The following CNBD1 variants were observed in gnomAD, a reference collection of about 807,000 sequenced individuals.
CNBD1 encodes the protein cyclic nucleotide binding domain containing 1.
CNBD1 carries 71 observed loss-of-function variants against 54.4 expected under a neutral mutation model. The ratio of observed to expected loss-of-function variants is 1.30; its 90% confidence interval spans 1.08 to 1.59. The LOEUF is 1.59. Among genes scored for constraint, CNBD1 ranks in the 40% most tolerant of loss-of-function variants. The pLI, the probability that CNBD1 is intolerant of heterozygous loss-of-function variation, is 0.00. For missense variants in CNBD1, 659 were observed against 518.0 expected (o/e 1.27, Z -2.64); for synonymous variants, 182 against 170.7 (o/e 1.07, Z -0.51).
chr8:87,309,623 T>C (rs1295672745), intron 8 of CNBD1, among the ~76,000 whole-genome samples: 1 of 152,136 alleles, frequency 6.6e-6, no homozygotes, highest in African/African-American at 2.4e-5. Flanking sequence ...CTCATATCTG[T>C]ATATCTGTAG....
At chr8:87,093,554 T>A (rs1254968450) in intron 4 of CNBD1, among the ~76,000 whole-genome samples, 1 of 152,204 alleles carries the variant, frequency 6.6e-6, no homozygotes, top group Non-Finnish European at 1.5e-5. Flanking sequence ...CAAAGTCTAC[T>A]GATATAAAAG....
intron 4 of CNBD1, among the ~76,000 whole-genome samples, chr8:87,003,306 G>C (rs1809031245): frequency 6.6e-6 from 1 of 152,062 alleles, no homozygotes; most frequent in Non-Finnish European, 1.5e-5. Context: ...TGATTAAAAG[G>C]ACAGAATGAT....
intron 4 of CNBD1, among the ~76,000 whole-genome samples, chr8:87,053,615 C>A (rs1810356110): frequency 1.3e-5 from 2 of 152,150 alleles, no homozygotes; most frequent in African/African-American, 4.8e-5. Context: ...GCAAGTGTGA[C>A]CTTTTTTTCA....
intron 8 of CNBD1, among the ~76,000 whole-genome samples, chr8:87,339,743 G>T (rs1810027270): frequency 1.3e-5 from 2 of 151,938 alleles, no homozygotes; most frequent in South Asian, 2.1e-4. Flanking sequence ...AGTTATAACT[G>T]TCTATTTAAA....
At chr8:86,940,527 G>C (rs1809636101) in intron 4 of CNBD1, among the ~76,000 whole-genome samples, 1 of 152,176 alleles carries the variant, frequency 6.6e-6, no homozygotes, top group African/African-American at 2.4e-5. Context: ...GCCTGAAGAA[G>C]GAGGGGTGTG....
At chr8:87,244,347 G>C (rs2130832884) in intron 6 of CNBD1, among the ~76,000 whole-genome samples, 1 of 152,206 alleles carries the variant, frequency 6.6e-6, no homozygotes, top group South Asian at 2.1e-4. Context: ...AGGCAGGTTG[G>C]CCCTGAGAAG....
At chr8:86,867,180 CGT>C (rs1426304589) in intron 1 of CNBD1, among the ~76,000 whole-genome samples, 1 of 152,066 alleles carries the variant, frequency 6.6e-6, no homozygotes, top group Non-Finnish European at 1.5e-5. Flanking sequence ...AAACCTATAA[CGT>C]TTTCTTAAGA....
chr8:87,383,072 G>T (rs1033612342), downstream of CNBD1, among the ~76,000 whole-genome samples: 2 of 151,842 alleles, frequency 1.3e-5, no homozygotes, highest in African/African-American at 4.8e-5. Flanking sequence ...TATGTAAAAG[G>T]CAAAAAGACA....
intron 4 of CNBD1, among the ~76,000 whole-genome samples, chr8:87,136,483 CTTAT>C (rs1387586379): frequency 7.5e-6 from 1 of 133,266 alleles, no homozygotes; most frequent in Non-Finnish European, 1.5e-5. Context: ...ATACATTTTG[CTTAT>C]TTATTGATTT....
intron 4 of CNBD1, among the ~76,000 whole-genome samples, chr8:87,168,938 A>G (rs1489077986): frequency 6.6e-6 from 1 of 152,086 alleles, no homozygotes; most frequent in Non-Finnish European, 1.5e-5. Flanking sequence ...TCTTTTAGGT[A>G]TACACCCAGG....
intron 4 of CNBD1, among the ~76,000 whole-genome samples, chr8:87,149,981 C>G (rs1361452741): frequency 6.6e-6 from 1 of 152,048 alleles, no homozygotes; most frequent in East Asian, 1.9e-4. Context: ...CGAGACCATC[C>G]TGGCTAATAC....
intron 4 of CNBD1, among the ~76,000 whole-genome samples, chr8:86,958,006 T>G (rs540572904): frequency 6.6e-6 from 1 of 152,354 alleles, no homozygotes; most frequent in Admixed American, 6.5e-5. Flanking sequence ...TTTAAATGTG[T>G]CCTAGAGATT....
rs143784558 is a variant in CNBD1, at chr8:87,357,362, A to G, written c.1303+3576A>G. On this transcript the variant is annotated intron_variant, in intron 10 of 10. Coordinates refer to ENST00000518476, the MANE Select transcript of CNBD1 (RefSeq NM_173538.3). ...CAGGCGTTTAACTCCAACCCATGAA[A>G]GAAGCCACGTGGGCTGCATCCAGCA... 9.2e-5 allele frequency among the ~76,000 whole-genome samples: 14 copies of G among 152,272 alleles called. 1 individual carries two copies. The highest frequency in any genetic ancestry group is 2.6e-4 in the African/African-American group (11 of 41,552).
At chr8:86,996,691 C>T (rs1469311449) in intron 4 of CNBD1, among the ~76,000 whole-genome samples, 1 of 152,178 alleles carries the variant, frequency 6.6e-6, no homozygotes, top group Non-Finnish European at 1.5e-5. Flanking sequence ...GCAAGTGTCA[C>T]AAAGTTGGTA....
downstream of CNBD1, among the ~76,000 whole-genome samples, chr8:87,387,648 A>G (rs1261923662): frequency 6.6e-6 from 1 of 152,106 alleles, no homozygotes; most frequent in Non-Finnish European, 1.5e-5. Context: ...CTCCCACACA[A>G]TCATAATGGG....
At chr8:86,917,594 G>T (rs1381823050) in intron 3 of CNBD1, among the ~76,000 whole-genome samples, 1 of 152,164 alleles carries the variant, frequency 6.6e-6, no homozygotes, top group Non-Finnish European at 1.5e-5. Flanking sequence ...GGGAGGGGAA[G>T]ACCAAGCTGC....
chr8:87,423,570 G>C (rs1807985145), intron 2 of CNBD1, among the ~76,000 whole-genome samples: 1 of 149,736 alleles, frequency 6.7e-6, no homozygotes, highest in South Asian at 2.1e-4. Flanking sequence ...TTATATGCTG[G>C]ATTACATTTA....
chr8:87,115,607 T>C (rs1451025813), intron 4 of CNBD1, among the ~76,000 whole-genome samples: 1 of 152,114 alleles, frequency 6.6e-6, no homozygotes, highest in African/African-American at 2.4e-5. Context: ...AAGGCACAAA[T>C]ACATAGTGTT....
At chr8:87,127,151 G>C (rs1812009657) in intron 4 of CNBD1, among the ~76,000 whole-genome samples, 1 of 151,868 alleles carries the variant, frequency 6.6e-6, no homozygotes, top group Non-Finnish European at 1.5e-5. Context: ...TAGGTCCTTT[G>C]AATTTCCATA....
Sources: gnomAD v4.1 joint callset for allele counts (sites outside exome capture counted in the v4.1 genomes callset) on GRCh38, gnomAD v4.1.1 for gene constraint, MANE v1.5 for transcripts, NCBI Gene and HGNC (gene_info 2026-07-23, HGNC 2026-07-21) for gene names.